Variants in NOP2 observed in about 807,000 individuals in gnomAD.
The protein encoded by NOP2 is 28S rRNA (cytosine(4447)-C(5))-methyltransferase.
In NOP2, 7 loss-of-function variants were observed where a neutral mutation model predicts 72.7. The ratio of observed to expected loss-of-function variants is 0.10; its 90% CI spans 0.05 to 0.18. The LOEUF is 0.18. Among genes scored for constraint, NOP2 ranks in the 10% least tolerant of loss-of-function variants. The pLI is 1.00. For missense variants in NOP2, 954 were observed against 1,014.7 expected, an observed-to-expected ratio of 0.94 and a Z score of 0.81; for synonymous variants, 387 against 388.0, an observed-to-expected ratio of 1.00 and a Z score of 0.03.
intron 7 of NOP2, 43 bp from the exon 8 acceptor site, chr12:6,563,557 G>C (rs764602254): frequency 6.2e-7 from 1 of 1,609,564 alleles, no homozygotes; most frequent in South Asian, 1.1e-5. Flanking sequence ...CTAAGGCCTG[G>C]AAATCCCTCT....
Position 6,557,575 on chromosome 12 carries a change from G to C in NOP2, c.1857C>G (p.Ser619Arg). ...CCTTGGCTTTCTTGGCTGGCTGGCTGCTGTTCTCAGACTTGGGGATGACCT... is the reference window on the plus strand; with the variant it reads ...CCTTGGCTTTCTTGGCTGGCTGGCTCCTGTTCTCAGACTTGGGGATGACCT... ...LPQVIPKSEN[S>R]SQPAKKAKGA... is the part of the protein sequence containing the mutation. The change falls in exon 16 of 16, where the codon AGC (serine) becomes AGG (arginine). Residue 619 changes from serine to arginine, a missense_variant. By Grantham distance (110) the Ser-to-Arg change is moderately radical. Around this residue, in one of 3 missense-constraint regions of NOP2, gnomAD observed 269 missense variants for 260.2 expected, o/e 1.03. Coordinates refer to ENST00000322166, the MANE Select transcript of NOP2 (RefSeq NM_001258308.2). The C allele has an allele frequency of 6.2e-7, 1 of 1,613,882 alleles. No homozygotes were observed. The highest frequency in any genetic ancestry group is 1.7e-5 in the Admixed American group (1 of 59,992).
rs746289611 is a variant in NOP2 at position 6,557,103 on chromosome 12, G to A, written c.2329C>T (p.Pro777Ser). 2 of 1,613,972 alleles carry A rather than the reference G, an allele frequency of 1.2e-6. No individual in the cohort carries two copies. The highest frequency in any genetic ancestry group is 1.7e-6 in the Non-Finnish European group (2 of 1,179,878). The change falls in exon 16 of 16, where the codon CCC (proline) becomes TCC (serine). Residue 777 changes from proline (P) to serine (S), a missense_variant. Around this residue, in one of 3 missense-constraint regions of NOP2, gnomAD observed 269 missense variants for 260.2 expected, o/e 1.03. Transcript: ENST00000322166. ...KAAFQKQNDTPKGPQPPTVSP... is the reference protein window; with the variant it reads ...KAAFQKQNDTSKGPQPPTVSP... ...ACAGTGGGAGGCTGAGGCCCCTTGG[G>A]GGTATCATTCTGTTTCTGGAAGGCA...
chr12:6,558,610 C>CTT (rs869220261), intron 15 of NOP2, among the ~76,000 whole-genome samples: 1,485 of 133,904 alleles, frequency 0.011, 29 homozygotes, highest in African/African-American at 0.037. Flanking sequence ...CTTTATTTAT[C>CTT]TTTTTTTTTT....
At chr12:6,567,993 G>A in intron 1 of NOP2, 71 bp from the exon 2 acceptor site, 3 of 1,203,074 alleles carry the variant, frequency 2.5e-6, no homozygotes, top group South Asian at 2.5e-5. Context: ...CACGCTTGGC[G>A]TATTATAGTG....
chr12:6,563,576 C>T, intron 7 of NOP2, 38 bp downstream of exon 7: 1 of 1,608,520 alleles, frequency 6.2e-7, no homozygotes, highest in South Asian at 1.1e-5. Context: ...CTCCCAACCA[C>T]CTTCCTCCTA....
At chr12:6,564,181 C>T (rs1226400884) in intron 5 of NOP2, 1 of 1,274,578 alleles carries the variant, frequency 7.8e-7, no homozygotes, top group African/African-American at 1.5e-5. Context: ...GAAGCTGAGG[C>T]AGGAGAATTG....
chr12:6,565,939 G>A (rs944865027), intron 5 of NOP2, among the ~76,000 whole-genome samples, 162 bp downstream of exon 5: 5 of 150,124 alleles, frequency 3.3e-5, no homozygotes, highest in African/African-American at 1.2e-4. Flanking sequence ...AACTTGTAGT[G>A]CACTGGGAGG....
chr12:6,564,063 G>A, intron 5 of NOP2, 117 bp from the exon 6 acceptor site: 5 of 1,535,058 alleles, frequency 3.3e-6, no homozygotes, highest in Non-Finnish European at 8.7e-7. Flanking sequence ...CTCTCAGAAG[G>A]AAATAGAGGA....
Position 6,561,886 on chromosome 12 carries a change from A to G in NOP2, c.1064T>C (p.Ile355Thr). Reference protein sequence around the residue: ...GLVVYDSSVPIGATPEYLAGH... With the variant: ...GLVVYDSSVPTGATPEYLAGH... ...GCTCTTGGGTGGGGGAGACTTACCA[A>G]TGGGCACAGAAGAATCATACACCAC... Residue 355 changes from isoleucine to threonine, a missense_variant and splice_region_variant, in exon 10 of 16, where the codon ATT (isoleucine) becomes ACT (threonine). Around this residue, in one of 3 missense-constraint regions of NOP2, gnomAD observed 498 missense variants for 478.3 expected, o/e 1.04. Coordinates refer to ENST00000322166, the MANE Select transcript of NOP2 (RefSeq NM_001258308.2). 1 of 1,610,998 alleles carries G rather than the reference A, an allele frequency of 6.2e-7. No homozygotes were observed. The highest frequency in any genetic ancestry group is 8.5e-7 in the Non-Finnish European group (1 of 1,178,658).
At position 6,563,825 on chromosome 12, in the gene NOP2, C is replaced by T. The variant is rs897055152; in HGVS notation, c.531-54G>A. The T allele has an allele frequency of 4.3e-6, 7 of 1,612,718 alleles. No individual in the cohort carries two copies. The African/African-American group carries it at 6.7e-5, about 15-fold the overall frequency. Reference sequence around the variant, plus strand: ...TCACAGACCAAAACAGATACCTCCTCCTTCCTCACAGCTTCCCCACCCCAG... The same window carrying T: ...TCACAGACCAAAACAGATACCTCCTTCTTCCTCACAGCTTCCCCACCCCAG... On this transcript the variant is annotated intron_variant, in intron 6 of 15. Coordinates refer to ENST00000322166, the MANE Select transcript of NOP2 (RefSeq NM_001258308.2).
chr12:6,564,002 C>T, intron 5 of NOP2, 56 bp from the exon 6 acceptor site: 1 of 1,584,560 alleles, frequency 6.3e-7, no homozygotes, highest in South Asian at 1.1e-5. Flanking sequence ...GCCCTTGTAG[C>T]AGTTCTATCT....
chr12:6,566,844 G>A, intron 2 of NOP2, 22 bp from the exon 3 acceptor site: 8 of 1,599,874 alleles, frequency 5.0e-6, no homozygotes, highest in Non-Finnish European at 6.8e-6. Context: ...AGAAAAACGA[G>A]GCAGAACAAG....
chr12:6,563,156 T>C lies in NOP2; in HGVS notation c.903A>G (p.Leu301=), dbSNP rs774350796. The C allele has an allele frequency of 4.4e-6, 7 of 1,593,826 alleles. No individual in the cohort carries two copies. Among genetic ancestry groups the C allele is most frequent in the South Asian group, 3.4e-5 (3 of 87,704 alleles). Residue 301 remains leucine, a synonymous_variant, in exon 9 of 16, where the codon TTA becomes TTG. Coordinates refer to ENST00000322166, the MANE Select transcript of NOP2 (RefSeq NM_001258308.2). ...LFPLSELVEF[L]EANEVPRPVT... ...CGGGCCGAGGCACCTCATTAGCTTCTAAGAACTCCACCAGCTGCGGGGCAA... is the reference window on the plus strand; with the variant it reads ...CGGGCCGAGGCACCTCATTAGCTTCCAAGAACTCCACCAGCTGCGGGGCAA...
At chr12:6,566,413 A>G (rs1947780940) in intron 4 of NOP2, 77 bp from the exon 5 acceptor site, 4 of 1,484,502 alleles carry the variant, frequency 2.7e-6, no homozygotes, top group Middle Eastern at 1.8e-4. Context: ...TGTACTTTCT[A>G]CCCCTCAGAA....
rs1303375954 is a variant in NOP2, at chr12:6,560,025, T to A, written c.1789+73A>T. 12 of 1,119,798 alleles carry A rather than the reference T, an allele frequency of 1.1e-5. No homozygotes were observed. The highest frequency in any genetic ancestry group is 1.5e-5 in the Non-Finnish European group (11 of 748,466). 69.4% of individuals were successfully genotyped at this position (1,119,798 alleles called of 1,614,324 possible). A position where few individuals can be genotyped will look rare whatever the true frequency, so the allele number is the denominator to read the frequency against. ...ATGAATCTTTCCTTTCCCTTCCTCT[T>A]GTCACACCATAAAGCCTCCTGAAAG... On this transcript the variant is annotated intron_variant, in intron 15 of 15. Transcript: ENST00000322166. The surrounding 1 kb of genome is among the most constrained non-coding windows in gnomAD (Gnocchi z 5.0).
intron 1 of NOP2, 80 bp downstream of exon 1, chr12:6,568,127 C>CAGGT (rs1325010481): frequency 3.9e-4 from 226 of 585,304 alleles, no homozygotes; most frequent in Non-Finnish European, 5.2e-5. Context: ...ACCTGAAACC[C>CAGGT]AGGTAGCGCA....
intron 9 of NOP2, among the ~76,000 whole-genome samples, chr12:6,562,824 T>A (rs1445797375): frequency 2.0e-5 from 3 of 152,118 alleles, no homozygotes; most frequent in Non-Finnish European, 4.4e-5. Context: ...TCCCTCCAAT[T>A]TCCTTGGGGG....
At chr12:6,566,687 A>G (rs1592248119) in intron 3 of NOP2, 70 bp from the exon 4 acceptor site, 2 of 1,577,488 alleles carry the variant, frequency 1.3e-6, no homozygotes, top group East Asian at 2.2e-5. Flanking sequence ...CATTTCCACC[A>G]TAGGGAAATG....
Position 6,561,783 on chromosome 12 carries a change from G to C in NOP2, c.1088C>G (p.Ala363Gly). 2.5e-6 allele frequency: 4 copies of C among 1,610,768 alleles called. No homozygotes were observed. Among genetic ancestry groups the C allele is most frequent in the Non-Finnish European group, 3.4e-6 (4 of 1,178,492 alleles). Residue 363 changes from alanine to glycine, a missense_variant, in exon 11 of 16, where the codon GCT (alanine) becomes GGT (glycine). Transcript: ENST00000322166. The stretch of plus-strand genomic sequence containing the variant: ...GGCTCCCTGCAGCATGTAGTGCCCA[G>C]CCAGGTACTCGGGGGTAGCACCTGT... ...VPIGATPEYLAGHYMLQGASS... is the reference protein window; with the variant it reads ...VPIGATPEYLGGHYMLQGASS...
Sources: gnomAD v4.1 joint callset for allele counts (sites outside exome capture counted in the v4.1 genomes callset) on GRCh38, gnomAD v4.1.1 for gene constraint, gnomAD v4.1.1 regional missense constraint, Gnocchi (gnomAD v3.1) non-coding constraint, MANE v1.5 for transcripts, NCBI Gene and HGNC (gene_info 2026-07-23, HGNC 2026-07-21) for gene names.